IL17REL: variants seen among roughly 807,000 people sequenced by gnomAD.
The protein encoded by IL17REL is interleukin-17 receptor E-like protein.
A neutral mutation model predicts 49.0 loss-of-function variants in IL17REL; 36 were observed. The ratio of observed to expected loss-of-function variants is 0.73; its 90% CI spans 0.56 to 0.97. The LOEUF is 0.97. Ranked by LOEUF, IL17REL falls within the 50% of genes least tolerant of loss-of-function variation. IL17REL has a pLI of 0.00. For synonymous variants in IL17REL, 206 were observed against 192.4 expected, an observed-to-expected ratio of 1.07 and a Z score of -0.58; for missense variants, 470 against 453.9, an observed-to-expected ratio of 1.04 and a Z score of -0.32.
At chr22:49,997,246 C>G in intron 11 of IL17REL, 74 bp downstream of exon 13, 1 of 1,502,416 alleles carries the variant, frequency 6.7e-7, no homozygotes, top group Non-Finnish European at 9.2e-7. Flanking sequence ...GCAGAGACCA[C>G]CACAGGGAAG....
intron 3 of IL17REL, 80 bp downstream of exon 4, chr22:50,000,674 C>T (rs1397864593): frequency 1.3e-6 from 2 of 1,550,466 alleles, no homozygotes; most frequent in African/African-American, 1.4e-5. Flanking sequence ...ATGGCTGGAG[C>T]TTAGAGCCAG....
downstream of IL17REL, among the ~76,000 whole-genome samples, chr22:49,992,915 A>G (rs1314576078): frequency 6.6e-6 from 1 of 151,936 alleles, no homozygotes; most frequent in Non-Finnish European, 1.5e-5. Flanking sequence ...CCGTGCCCAG[A>G]CCCACCCTAT....
intron 2 of IL17REL, 40 bp from the exon 4 acceptor site, chr22:50,000,903 G>A: frequency 6.9e-7 from 1 of 1,441,922 alleles, no homozygotes; most frequent in Non-Finnish European, 9.3e-7. Flanking sequence ...ATCAGAGCAG[G>A]GCCGCCCCTG....
intron 1 of IL17REL, among the ~76,000 whole-genome samples, chr22:50,002,162 G>C (rs1206942047): frequency 6.6e-6 from 1 of 152,144 alleles, no homozygotes; most frequent in Non-Finnish European, 1.5e-5. Context: ...TCCTCCACAG[G>C]GTGTAACCCA....
At chr22:50,009,797 TA>T (rs2061128735), upstream of IL17REL, among the ~76,000 whole-genome samples, 1 of 152,188 alleles carries the variant, frequency 6.6e-6, no homozygotes, top group African/African-American at 2.4e-5. Flanking sequence ...AAATATTTTT[TA>T]TTTTGGAATA....
exon 5 of IL17REL, chr22:49,999,953 A>G (rs1337405073): frequency 9.2e-6 from 14 of 1,514,946 alleles, no homozygotes; most frequent in Non-Finnish European, 1.2e-5. Context: ...TCCACCCAGT[A>G]GCTGAGCTTC....
exon 3 of IL17REL, chr22:50,000,769 C>A: frequency 6.3e-7 from 1 of 1,592,890 alleles, no homozygotes; most frequent in Non-Finnish European, 8.5e-7. Flanking sequence ...GCCCCCCCTG[C>A]TGCCGGTGGG....
intron 1 of IL17REL, among the ~76,000 whole-genome samples, chr22:50,007,713 C>T (rs1040172992): frequency 1.3e-5 from 2 of 152,024 alleles, no homozygotes; most frequent in South Asian, 2.1e-4. Context: ...TTACTATAGT[C>T]CGCTTTGTGA....
In IL17REL at chr22:49,998,184, C is replaced by T. The variant is rs750437589; in HGVS notation, c.727G>A (p.Ala243Thr). The stretch of plus-strand genomic sequence containing the variant: ...GATTGCTGCAGCTTACGGCAGCCGG[C>T]CCCCGGCCCCGGGCGCCAGCACAGG... The change falls in exon 8 of 13, where the codon GCC becomes ACC. Residue 243 changes from alanine to threonine, a missense_variant. Coordinates refer to ENST00000341280, the Ensembl canonical transcript of IL17REL. The T allele has an allele frequency of 1.9e-6, 3 of 1,609,588 alleles. No individual in the cohort carries two copies. Among genetic ancestry groups the T allele is most frequent in the South Asian group, 2.2e-5 (2 of 90,736 alleles).
upstream of IL17REL, chr22:50,012,423 C>T (rs964254454): frequency 6.6e-6 from 1 of 152,570 alleles, no homozygotes; most frequent in African/African-American, 2.4e-5. Flanking sequence ...CCCTCGGACC[C>T]CCCAGGGCCC....
chr22:50,000,035 C>A (rs1489853515), intron 4 of IL17REL, 68 bp from the exon 7 acceptor site: 5 of 1,388,096 alleles, frequency 3.6e-6, no homozygotes, highest in African/African-American at 3.0e-5. Context: ...CTGTCTGTCC[C>A]GAGAGCCCCG....
In IL17REL at chr22:49,997,667, G is replaced by A; in HGVS notation, c.877+18C>T. On this transcript the variant is annotated intron_variant, in intron 10 of 12. Coordinates refer to ENST00000341280, the Ensembl canonical transcript of IL17REL. The stretch of plus-strand genomic sequence containing the variant: ...TCTGTGCTGCGTCCACATTGCGTAG[G>A]CCTCATGGAGAACTTACTTGGGAAG... 6.2e-7 allele frequency: 1 copy of A among 1,609,892 alleles called. No individual in the cohort carries two copies. The highest frequency in any genetic ancestry group is 1.1e-5 in the South Asian group (1 of 90,984).
chr22:49,999,804 G>C (rs1222320266), intron 5 of IL17REL, 24 bp downstream of exon 7: 3 of 1,478,018 alleles, frequency 2.0e-6, no homozygotes, highest in Admixed American at 2.3e-5. Context: ...AAGGCTGACC[G>C]GGGCCCGGGG....
intron 1 of IL17REL, among the ~76,000 whole-genome samples, chr22:50,002,503 T>C (rs966063466): frequency 3.7e-4 from 56 of 149,922 alleles, no homozygotes; most frequent in African/African-American, 1.3e-3. Context: ...TTCTTTTTTT[T>C]TTTTTTTTTT....
chr22:50,001,120 G>A lies in IL17REL; in HGVS notation c.71C>T (p.Ala24Val), dbSNP rs773742457. 6.2e-6 allele frequency: 10 copies of A among 1,602,262 alleles called. No homozygotes were observed. Among genetic ancestry groups the A allele is most frequent in the East Asian group, 4.5e-5 (2 of 44,472 alleles). Residue 24 changes from alanine to valine, a missense_variant, in exon 2 of 13, where the codon GCG becomes GTG. Ala to Val is a moderately conservative substitution (Grantham distance 64, BLOSUM62 0). Transcript: ENST00000341280. The stretch of plus-strand genomic sequence containing the variant: ...GGAGGCGCGTACACGCAGGAGCATC[G>A]CGCAGCCGTCAGAGGGGACACACTG...
At chr22:49,997,900 G>C in intron 9 of IL17REL, 125 bp downstream of exon 11, 1 of 1,414,088 alleles carries the variant, frequency 7.1e-7, no homozygotes, top group Non-Finnish European at 9.8e-7. Flanking sequence ...ACCAGGAGGG[G>C]GCTCTGAGGG....
upstream of IL17REL, among the ~76,000 whole-genome samples, chr22:50,010,298 G>A (rs955200109): frequency 1.3e-5 from 2 of 152,242 alleles, no homozygotes; most frequent in African/African-American, 4.8e-5. Context: ...CCAGGCTGCT[G>A]AGGGCTCCGC....
chr22:50,003,519 CAAA>C lies in IL17REL; in HGVS notation c.-41-2291_-41-2289del, dbSNP rs142337526. Among the ~76,000 whole-genome samples the C allele has an allele frequency of 2.1e-3, 82 of 39,082 alleles. 1 individual carries two copies. The highest frequency in any genetic ancestry group is 7.4e-3 in the African/African-American group (78 of 10,574). 25.6% of individuals were successfully genotyped at this position (39,082 alleles called of 152,430 possible). On this transcript the variant is annotated intron_variant, in intron 1 of 12. Transcript: ENST00000341280. The stretch of plus-strand genomic sequence containing the variant: ...CTGGAGACAGAGTGAGACTCCATCT[CAAA>C]AAAAAAAAAAAAAAAAAAAAAGGCT...
At chr22:50,004,080 T>A (rs1407491131) in intron 1 of IL17REL, among the ~76,000 whole-genome samples, 1 of 151,770 alleles carries the variant, frequency 6.6e-6, no homozygotes, top group East Asian at 1.9e-4. Context: ...AGTTTTTTGT[T>A]TTTTTGTGTT....
Sources: gnomAD v4.1 joint callset for allele counts (sites outside exome capture counted in the v4.1 genomes callset) on GRCh38, gnomAD v4.1.1 for gene constraint, MANE v1.5 for transcripts, NCBI Gene and HGNC (gene_info 2026-07-23, HGNC 2026-07-21) for gene names.